The following FAP variants were observed in gnomAD, a reference collection of about 807,000 sequenced individuals.
FAP encodes the protein fibroblast activation protein alpha.
Under a neutral mutation model 126.5 loss-of-function variants are expected in FAP, and 110 were observed. The ratio of observed to expected loss-of-function variants is 0.87; its 90% CI spans 0.74 to 1.02. The LOEUF (loss-of-function observed/expected upper bound fraction) is 1.02. Ranked by LOEUF, FAP falls within the 50% of genes least tolerant of loss-of-function variation. The probability of loss-of-function intolerance (pLI) is 0.00; values close to 1 mark genes in which losing one functional copy is unlikely to be tolerated. For synonymous variants in FAP, 334 were observed against 297.3 expected (o/e 1.12, Z -1.27); for missense variants, 919 against 909.2 (o/e 1.01, Z -0.14).
Position 162,193,397 on chromosome 2 carries a change from G to A in FAP, c.1450+1304C>T, listed in dbSNP as rs74504542. ...TTTAATTACATCTGACATATCTGAG[G>A]GCGTACCTATTTTGTAAATAGTGAG... is the stretch of plus-strand genomic sequence containing the variant. On this transcript the variant is annotated intron_variant, in intron 17 of 25. Coordinates refer to ENST00000188790, the MANE Select transcript of FAP (RefSeq NM_004460.5). 7.6e-3 allele frequency among the ~76,000 whole-genome samples: 1,155 copies of A among 152,072 alleles called. 15 individuals carry two copies. The highest frequency in any genetic ancestry group is 0.027 in the African/African-American group (1,105 of 41,470).
rs371304292 is a variant in FAP, at chr2:162,224,501, G to T, written c.325C>A (p.Arg109=). 1.9e-6 allele frequency: 3 copies of T among 1,599,476 alleles called. No homozygotes were observed. Among genetic ancestry groups the T allele is most frequent in the Non-Finnish European group, 2.6e-6 (3 of 1,174,518 alleles). The change falls in exon 5 of 26, where the codon CGG becomes AGG. Residue 109 remains arginine, a synonymous_variant. Transcript: ENST00000188790. ...TCACTTTCTAGATATACAAATTGCC[G>T]ATCAGGTGATAAGCCGTAATTTGAA... ...NASNYGLSPD[R]QFVYLESDYS...
intron 21 of FAP, among the ~76,000 whole-genome samples, chr2:162,182,864 C>T (rs1379246738): frequency 1.3e-5 from 2 of 152,278 alleles, no homozygotes; most frequent in South Asian, 2.1e-4. Flanking sequence ...GAGAAGTTAT[C>T]TCCATGACCT....
At position 162,200,832 on chromosome 2, in the gene FAP, T is replaced by C. The variant is rs545414187; in HGVS notation, c.1224-213A>G. ...CAGAGGAAGATTAAATTATGCTGAA[T>C]ACTGTTTTTATTATATTATATTCTG... is the stretch of plus-strand genomic sequence containing the variant. On this transcript the variant is annotated intron_variant, in intron 14 of 25. Coordinates refer to ENST00000188790, the MANE Select transcript of FAP (RefSeq NM_004460.5). Among the ~76,000 whole-genome samples, 10 of 152,322 alleles carry C rather than the reference T, an allele frequency of 6.6e-5. No individual in the cohort carries two copies. The South Asian group carries it at 2.1e-3, about 32-fold the overall frequency.
intron 20 of FAP, 76 bp from the exon 21 acceptor site, chr2:162,183,544 A>C (rs926407164): frequency 1.2e-6 from 1 of 836,202 alleles, no homozygotes; most frequent in Admixed American, 2.2e-5. Context: ...AACCATATTT[A>C]ATCCAAAGAT....
At chr2:162,172,765 CTTGAGGGT>C in intron 25 of FAP, 38 bp downstream of exon 25, 1 of 1,293,276 alleles carries the variant, frequency 7.7e-7, no homozygotes, top group Middle Eastern at 1.9e-4. Context: ...CTCCTTTTAG[CTTGAGGGT>C]CTAAGGCCAT....
At chr2:162,240,566 A>G (rs1690306037) in intron 2 of FAP, among the ~76,000 whole-genome samples, 3 of 152,242 alleles carry the variant, frequency 2.0e-5, no homozygotes, top group Admixed American at 6.5e-5. Flanking sequence ...AGCAACTGGC[A>G]TGATGATGAG....
intron 19 of FAP, among the ~76,000 whole-genome samples, chr2:162,188,588 T>C (rs1334027153): frequency 6.6e-6 from 1 of 152,024 alleles, no homozygotes; most frequent in Non-Finnish European, 1.5e-5. Flanking sequence ...AACGGATACA[T>C]CTAGGGTTGG....
At chr2:162,196,714 C>T (rs76063384) in intron 16 of FAP, among the ~76,000 whole-genome samples, 36 of 152,130 alleles carry the variant, frequency 2.4e-4, no homozygotes, top group South Asian at 4.2e-4. Flanking sequence ...AACCATCCCT[C>T]GGGAGAGTTT....
chr2:162,229,919 A>G (rs3788970), intron 2 of FAP, among the ~76,000 whole-genome samples: 20,605 of 152,132 alleles, frequency 0.14, 3,225 homozygotes, highest in African/African-American at 0.35. Flanking sequence ...GCCATAATGA[A>G]AATAATCCTC....
rs1283577045 is a variant in FAP, at chr2:162,189,141, T to C, written c.1581A>G (p.Gln527=). ...AGGGATACTTCTTTGATCTGTCAAA[T>C]TGAGGAGGAAGAATCATCTTGTACC... ...TLWYKMILPP[Q]FDRSKKYPLL... is the part of the protein sequence containing the mutation. The change falls in exon 19 of 26, where the codon CAA becomes CAG. Residue 527 remains glutamine (Q), a synonymous_variant. Coordinates refer to ENST00000188790, the MANE Select transcript of FAP (RefSeq NM_004460.5). 1 of 1,604,118 alleles carries C rather than the reference T, an allele frequency of 6.2e-7. No homozygotes were observed. The highest frequency in any genetic ancestry group is 2.2e-5 in the East Asian group (1 of 44,480).
chr2:162,203,006 G>T (rs750217787), intron 13 of FAP, 35 bp downstream of exon 13: 1 of 1,582,146 alleles, frequency 6.3e-7, no homozygotes, highest in South Asian at 1.1e-5. Flanking sequence ...TCAAGTGAAT[G>T]ATCTTTGAGG....
intron 21 of FAP, among the ~76,000 whole-genome samples, chr2:162,179,790 C>A (rs1189050422): frequency 1.8e-4 from 21 of 115,518 alleles, no homozygotes; most frequent in African/African-American, 5.2e-4. Context: ...ATCTATCTAT[C>A]TATATATATA....
In FAP at chr2:162,180,309, A is replaced by T. The variant is rs554493584; in HGVS notation, c.1869+3105T>A. ...TTGGAACGATAACTTCATTAACCAC[A>T]TTGGAGCTTGTGAAGCCAAAGCAGG... On this transcript the variant is annotated intron_variant, in intron 21 of 25. Coordinates refer to ENST00000188790, the MANE Select transcript of FAP (RefSeq NM_004460.5). Among the ~76,000 whole-genome samples, 63 of 152,310 alleles carry T rather than the reference A, an allele frequency of 4.1e-4. No individual in the cohort carries two copies. In the South Asian group the frequency reaches 4.1e-3, roughly 10 times the overall value.
At chr2:162,228,957 T>C (rs1293398960) in intron 2 of FAP, among the ~76,000 whole-genome samples, 2 of 152,176 alleles carry the variant, frequency 1.3e-5, no homozygotes, top group African/African-American at 4.8e-5. Flanking sequence ...ATCCTGAATA[T>C]CTAGATGGAA....
intron 16 of FAP, among the ~76,000 whole-genome samples, chr2:162,195,501 C>G (rs975770684): frequency 6.6e-6 from 1 of 151,570 alleles, no homozygotes; most frequent in African/African-American, 2.4e-5. Flanking sequence ...GAAGAGAAAA[C>G]TCTTCTCTTC....
chr2:162,179,691 GGAA>G (rs1381500247), intron 21 of FAP, among the ~76,000 whole-genome samples: 2 of 151,724 alleles, frequency 1.3e-5, no homozygotes, highest in African/African-American at 4.8e-5. Flanking sequence ...GGTGGGGAAT[GGAA>G]GAAGAGAATG....
intron 17 of FAP, among the ~76,000 whole-genome samples, chr2:162,191,626 T>C (rs1287223375): frequency 1.3e-5 from 2 of 152,160 alleles, no homozygotes; most frequent in Non-Finnish European, 2.9e-5. Flanking sequence ...GTAACAATGA[T>C]GGATCTTATA....
chr2:162,203,036 C>T lies in FAP; in HGVS notation c.1152+5G>A, dbSNP rs1189183848. 18 of 1,607,356 alleles carry T rather than the reference C, an allele frequency of 1.1e-5. No homozygotes were observed. Among genetic ancestry groups the T allele is most frequent in the African/African-American group, 1.3e-5 (1 of 74,870 alleles). On this transcript the variant is annotated splice_donor_5th_base_variant and intron_variant, in intron 13 of 25. Coordinates refer to ENST00000188790, the MANE Select transcript of FAP (RefSeq NM_004460.5). ...TTGAGGAGATAAATCTTGGAAGGAACGTACCACAGTGTCTTTGATATAGTG... is the reference window on the plus strand; with the variant it reads ...TTGAGGAGATAAATCTTGGAAGGAATGTACCACAGTGTCTTTGATATAGTG...
intron 18 of FAP, 118 bp downstream of exon 18, chr2:162,189,538 T>A (rs1485738501): frequency 1.6e-6 from 1 of 615,412 alleles, no homozygotes; most frequent in Admixed American, 3.4e-5. Context: ...TTAAATGAAA[T>A]CCTGTAATAT....
Sources: allele counts gnomAD v4.1 joint callset (sites outside exome capture counted in the v4.1 genomes callset), GRCh38; gene constraint gnomAD v4.1.1; transcripts MANE v1.5; gene names NCBI Gene and HGNC (gene_info 2026-07-23, HGNC 2026-07-21).